The following ADAM20 variants were observed in gnomAD, a reference collection of about 807,000 sequenced individuals.
ADAM20 encodes disintegrin and metalloproteinase domain-containing protein 20.
For synonymous variants in ADAM20, 305 were observed against 310.2 expected (o/e 0.98, Z 0.18); for missense variants, 871 against 883.2 (o/e 0.99, Z 0.18).
In ADAM20 at chr14:70,522,889, C is replaced by T. The variant is rs1408978797; in HGVS notation, c.1869G>A (p.Lys623=). The stretch of plus-strand genomic sequence containing the variant: ...ACAGATGAACCATACTGGCACACTT[C>T]TTACGGATGCAGATCTTTTCTGGAC... ...VCGPEKICIR[K]KCASMVHLSQ... The change falls in exon 2 of 2, where the codon AAG becomes AAA. Residue 623 remains lysine (K), a synonymous_variant. Transcript: ENST00000256389. 1.5e-5 allele frequency: 25 copies of T among 1,614,100 alleles called. No individual in the cohort carries two copies. Among genetic ancestry groups the T allele is most frequent in the Non-Finnish European group, 2.0e-5 (24 of 1,179,960 alleles).
chr14:70,553,245 C>T, the ADAM20 span, among the ~76,000 whole-genome samples: 13 of 63,712 alleles, frequency 2.0e-4, no homozygotes, highest in African/African-American at 8.8e-4. Flanking sequence ...ACCAGCATGG[C>T]ACATGTATAC....
chr14:70,562,907 A>G, the ADAM20 span, among the ~76,000 whole-genome samples: 5 of 152,334 alleles, frequency 3.3e-5, no homozygotes, highest in Middle Eastern at 3.4e-3. Flanking sequence ...GAATAAATGG[A>G]GAAATATATG....
the ADAM20 span, among the ~76,000 whole-genome samples, chr14:70,572,771 T>C: frequency 1.3e-5 from 2 of 151,852 alleles, no homozygotes; most frequent in Non-Finnish European, 2.9e-5. Context: ...CATTGAAAAG[T>C]AGGCAAAGGA....
rs1229111405 is a variant in ADAM20 at position 70,523,372 on chromosome 14, T to C, written c.1386A>G (p.Gly462=). 1 of 1,613,938 alleles carries C rather than the reference T, an allele frequency of 6.2e-7. No homozygotes were observed. The highest frequency in any genetic ancestry group is 8.5e-7 in the Non-Finnish European group (1 of 1,179,982). Residue 462 remains glycine (G), a synonymous_variant, in exon 2 of 2, where the codon GGA becomes GGG. Coordinates refer to ENST00000256389, the MANE Select transcript of ADAM20 (RefSeq NM_003814.5). ...CCKDCKFLPS[G]TLCRQQVGEC... ...CACCAACTTGTTGTCTACATAAAGT[T>C]CCTGATGGCAGAAATTTGCAGTCTT...
At chr14:70,563,659 A>C in the ADAM20 span, among the ~76,000 whole-genome samples, 2 of 152,058 alleles carry the variant, frequency 1.3e-5, no homozygotes, top group Non-Finnish European at 2.9e-5. Flanking sequence ...TATCCTTGTA[A>C]TAGTGAGTGT....
intron 1 of ADAM20, among the ~76,000 whole-genome samples, chr14:70,530,194 A>T (rs957438654): frequency 2.0e-4 from 30 of 152,178 alleles, no homozygotes; most frequent in Non-Finnish European, 4.1e-4. Context: ...TACTTTTAAA[A>T]TTTTTTGTTA....
chr14:70,572,573 G>C, the ADAM20 span, among the ~76,000 whole-genome samples: 2 of 152,052 alleles, frequency 1.3e-5, no homozygotes, highest in African/African-American at 2.4e-5. Context: ...AAAAACAAAT[G>C]CAACAAAAAC....
At chr14:70,557,099 T>C in the ADAM20 span, 1 of 152,148 alleles carries the variant, frequency 6.6e-6, no homozygotes, top group African/African-American at 2.4e-5. Flanking sequence ...TCAAATAATT[T>C]GTGTGAGAGT....
At chr14:70,559,684 T>C in the ADAM20 span, among the ~76,000 whole-genome samples, 1 of 152,232 alleles carries the variant, frequency 6.6e-6, no homozygotes, top group Non-Finnish European at 1.5e-5. Context: ...ATTCATGTCC[T>C]ATTTATTCTT....
At chr14:70,544,813 T>C in the ADAM20 span, among the ~76,000 whole-genome samples, 3 of 152,132 alleles carry the variant, frequency 2.0e-5, no homozygotes, top group East Asian at 1.9e-4. Flanking sequence ...TAAATATGTA[T>C]AGTCATTACA....
chr14:70,540,711 C>T, the ADAM20 span, among the ~76,000 whole-genome samples: 1 of 152,188 alleles, frequency 6.6e-6, no homozygotes, highest in Non-Finnish European at 1.5e-5. Flanking sequence ...TGGCCTTAGG[C>T]AGTCTAGTCC....
chr14:70,527,260 T>A (rs545220653), intron 1 of ADAM20, among the ~76,000 whole-genome samples: 3 of 152,298 alleles, frequency 2.0e-5, no homozygotes, highest in African/African-American at 7.2e-5. Flanking sequence ...GATCTTGGAT[T>A]CAATTTCAGT....
chr14:70,570,986 CAG>C, the ADAM20 span, among the ~76,000 whole-genome samples: 1 of 152,092 alleles, frequency 6.6e-6, no homozygotes, highest in Non-Finnish European at 1.5e-5. Context: ...ACCACACAAA[CAG>C]AATTAAAAAC....
the ADAM20 span, among the ~76,000 whole-genome samples, chr14:70,542,774 A>T: frequency 6.6e-6 from 1 of 152,206 alleles, no homozygotes; most frequent in African/African-American, 2.4e-5. Context: ...CCCTGTCTCT[A>T]CTAGAAATAC....
chr14:70,576,841 G>A, the ADAM20 span, among the ~76,000 whole-genome samples: 1 of 152,178 alleles, frequency 6.6e-6, no homozygotes, highest in Non-Finnish European at 1.5e-5. Context: ...ACTTGCTAAC[G>A]TTTTCCCGCT....
the ADAM20 span, among the ~76,000 whole-genome samples, chr14:70,545,331 C>T: frequency 1.3e-5 from 2 of 152,266 alleles, no homozygotes; most frequent in South Asian, 2.1e-4. Context: ...AGAATCTGCG[C>T]ACTTGGGAGA....
intron 1 of ADAM20, among the ~76,000 whole-genome samples, chr14:70,525,913 T>C (rs1883579741): frequency 6.6e-6 from 1 of 152,180 alleles, no homozygotes; most frequent in Non-Finnish European, 1.5e-5. Flanking sequence ...ACTAGCATCA[T>C]GATCTCTATC....
At chr14:70,546,360 G>A in the ADAM20 span, among the ~76,000 whole-genome samples, 3 of 152,130 alleles carry the variant, frequency 2.0e-5, no homozygotes, top group African/African-American at 7.2e-5. Context: ...CAAGGTGGTC[G>A]AGGCACAGCT....
At chr14:70,569,885 CAAAAA>C in the ADAM20 span, among the ~76,000 whole-genome samples, 146 of 76,194 alleles carry the variant, frequency 1.9e-3, no homozygotes, top group Admixed American at 3.6e-3. Flanking sequence ...AGAAAACTAA[CAAAAA>C]AAAAAAAAAA....
Sources: allele counts gnomAD v4.1 joint callset (sites outside exome capture counted in the v4.1 genomes callset), GRCh38; gene constraint gnomAD v4.1.1; transcripts MANE v1.5; gene names NCBI Gene and HGNC (gene_info 2026-07-23, HGNC 2026-07-21).